The following APC variants were observed in gnomAD, a reference collection of about 807,000 sequenced individuals.
APC encodes adenomatous polyposis coli protein.
In APC, 72 loss-of-function variants were observed where a neutral mutation model predicts 247.0. That is an observed-to-expected ratio of 0.29 (90% CI 0.24 to 0.35). The LOEUF is 0.35. Among genes scored for constraint, APC ranks in the 10% least tolerant of loss-of-function variants. The probability of loss-of-function intolerance (pLI) is 1.00; values close to 1 mark genes in which losing one functional copy is unlikely to be tolerated. For missense variants in APC, 3,400 were observed against 3,360.7 expected (o/e 1.01, Z -0.29); for synonymous variants, 1,254 against 1,162.5 (o/e 1.08, Z -1.60).
chr5:112,709,780 C>T (rs1307087808), intron 1 of APC, among the ~76,000 whole-genome samples: 1 of 152,076 alleles, frequency 6.6e-6, no homozygotes, highest in Non-Finnish European at 1.5e-5. Context: ...TGGTGCATGC[C>T]TGTGATTCCA....
At chr5:112,713,441 C>A (rs1330448302) in intron 1 of APC, among the ~76,000 whole-genome samples, 1 of 152,146 alleles carries the variant, frequency 6.6e-6, no homozygotes, top group African/African-American at 2.4e-5. Flanking sequence ...GCCCTCTTTC[C>A]GATGTCCATC....
At chr5:112,779,420 CTACTAATT>C (rs1306414970) in intron 5 of APC, among the ~76,000 whole-genome samples, 2 of 152,152 alleles carry the variant, frequency 1.3e-5, no homozygotes, top group African/African-American at 2.4e-5. Flanking sequence ...TAATTATTCT[CTACTAATT>C]TATTAAGTAG....
At chr5:112,823,155 T>C (rs755654397) in intron 11 of APC, among the ~76,000 whole-genome samples, 1 of 152,216 alleles carries the variant, frequency 6.6e-6, no homozygotes, top group Non-Finnish European at 1.5e-5. Flanking sequence ...AAATAATGAA[T>C]AAACAGGAAA....
chr5:112,720,238 A>G (rs1288462146), intron 1 of APC, among the ~76,000 whole-genome samples: 1 of 152,248 alleles, frequency 6.6e-6, no homozygotes, highest in Non-Finnish European at 1.5e-5. Context: ...ATGTGTCTAT[A>G]AAGAACAAAA....
rs1580996503 is a variant in APC at position 112,707,648 on chromosome 5, A to C, written c.-70A>C. 2 of 1,359,784 alleles carry C rather than the reference A, an allele frequency of 1.5e-6. No individual in the cohort carries two copies. Among genetic ancestry groups the C allele is most frequent in the South Asian group, 1.2e-5 (1 of 81,456 alleles). The allele number at this position is 1,359,784 out of a possible 1,614,324, so 84.2% of individuals were successfully genotyped here. A position where few individuals can be genotyped will look rare whatever the true frequency, so the allele number is the denominator to read the frequency against. On this transcript the variant is annotated 5_prime_UTR_variant, in exon 1 of 14. Transcript: ENST00000507379. ...CCGAGGTTGGCTCGATGCTGTTCCC[A>C]GGTACTGTTGTTGGCTGTTGGTGAG...
chr5:112,796,612 A>G (rs963738361), intron 7 of APC, among the ~76,000 whole-genome samples: 1 of 151,898 alleles, frequency 6.6e-6, no homozygotes, highest in African/African-American at 2.4e-5. Flanking sequence ...GCCCTTGGAA[A>G]GGGCCAGGAA....
intron 1 of APC, among the ~76,000 whole-genome samples, chr5:112,725,802 T>C (rs772804258): frequency 2.0e-5 from 3 of 152,138 alleles, no homozygotes; most frequent in Admixed American, 6.5e-5. Flanking sequence ...TCCTTTACTA[T>C]GGAATTCCCA....
At position 112,765,431 on chromosome 5, in the gene APC, A is replaced by G. The variant is rs117563133; in HGVS notation, c.136-895A>G. Among the ~76,000 whole-genome samples, 102 of 152,308 alleles carry G rather than the reference A, an allele frequency of 6.7e-4. No homozygotes were observed. The East Asian group carries it at 0.01, about 16-fold the overall frequency. On this transcript the variant is annotated intron_variant, in intron 2 of 15. Transcript: ENST00000257430. ...GAATGCTTACAATGTCACTGTCAAG[A>G]TAAATCAGTGAAACCGTCTTTGCTC...
At position 112,821,996 on chromosome 5, in the gene APC, G is replaced by A. The variant is rs779919032; in HGVS notation, c.1408+5G>A. Reference sequence around the variant, plus strand: ...GACATGCAATGAATGAACTAGGTAAGACAAAAATGTTTTTTAATGACATAG... The same window carrying A: ...GACATGCAATGAATGAACTAGGTAAAACAAAAATGTTTTTTAATGACATAG... On this transcript the variant is annotated splice_donor_5th_base_variant and intron_variant, in intron 11 of 15. Transcript: ENST00000257430. 10 of 1,593,132 alleles carry A rather than the reference G, an allele frequency of 6.3e-6. No homozygotes were observed. The East Asian group carries it at 1.6e-4, about 25-fold the overall frequency.
intron 8 of APC, chr5:112,810,149 A>C (rs1561528018): frequency 2.2e-6 from 1 of 456,166 alleles, no homozygotes; most frequent in Non-Finnish European, 4.4e-6. Context: ...GGATGTTTGA[A>C]TGCTGATGGG....
At chr5:112,818,743 T>C (rs1762768376) in intron 9 of APC, among the ~76,000 whole-genome samples, 1 of 151,798 alleles carries the variant, frequency 6.6e-6, no homozygotes, top group Non-Finnish European at 1.5e-5. Flanking sequence ...TTACCACTCA[T>C]ACTATTTACT....
chr5:112,723,253 G>A (rs1452071383), intron 1 of APC, among the ~76,000 whole-genome samples: 2 of 152,210 alleles, frequency 1.3e-5, no homozygotes, highest in Admixed American at 6.5e-5. Flanking sequence ...CTTGAGCTCA[G>A]GAGTTTGAGA....
At chr5:112,768,370 A>G (rs767878534) in intron 4 of APC, among the ~76,000 whole-genome samples, 25 of 151,742 alleles carry the variant, frequency 1.6e-4, no homozygotes, top group Non-Finnish European at 3.5e-4. Flanking sequence ...TACCAAAAAA[A>G]AAAAAAGAAA....
At chr5:112,746,819 G>T (rs1385765755) in intron 1 of APC, among the ~76,000 whole-genome samples, 1 of 152,138 alleles carries the variant, frequency 6.6e-6, no homozygotes, top group Admixed American at 6.6e-5. Flanking sequence ...TGAAAAAGAA[G>T]TGAGGTACAA....
At chr5:112,785,196 G>A (rs934095818) in intron 6 of APC, among the ~76,000 whole-genome samples, 5 of 152,138 alleles carry the variant, frequency 3.3e-5, no homozygotes, top group African/African-American at 1.2e-4. Context: ...CAAAATAAGT[G>A]TTATGAATCC....
intron 7 of APC, among the ~76,000 whole-genome samples, chr5:112,795,451 T>G (rs1272999767): frequency 6.6e-6 from 1 of 152,224 alleles, no homozygotes; most frequent in Non-Finnish European, 1.5e-5. Flanking sequence ...AGGATTAAAC[T>G]CGATTTCCAG....
chr5:112,821,840 C>G (rs1328706288), intron 10 of APC, 56 bp from the exon 11 acceptor site: 5 of 1,373,008 alleles, frequency 3.6e-6, no homozygotes, highest in African/African-American at 1.4e-5. Context: ...GTACAATAAA[C>G]ATCATTGCTC....
At chr5:112,798,221 C>G (rs955370053) in intron 7 of APC, among the ~76,000 whole-genome samples, 1 of 152,154 alleles carries the variant, frequency 6.6e-6, no homozygotes, top group African/African-American at 2.4e-5. Context: ...TTTGTTATAT[C>G]CCTTCAGTGG....
At chr5:112,747,707 T>C (rs1214930791) in intron 1 of APC, among the ~76,000 whole-genome samples, 1 of 152,168 alleles carries the variant, frequency 6.6e-6, no homozygotes, top group Non-Finnish European at 1.5e-5. Context: ...TGTAACAAGT[T>C]TCTGGAAGAT....
Sources: gnomAD v4.1 joint callset for allele counts (sites outside exome capture counted in the v4.1 genomes callset) on GRCh38, gnomAD v4.1.1 for gene constraint, MANE v1.5 for transcripts, NCBI Gene and HGNC (gene_info 2026-07-23, HGNC 2026-07-21) for gene names.